The following GRM5 variants were observed in gnomAD, a reference collection of about 807,000 sequenced individuals.
GRM5 encodes metabotropic glutamate receptor 5.
Under a neutral mutation model 83.1 loss-of-function variants are expected in GRM5, and 19 were observed. The observed-to-expected ratio is 0.23, with a 90% CI of 0.16 to 0.34. The LOEUF (loss-of-function observed/expected upper bound fraction) is 0.34. Ranked by LOEUF, GRM5 falls within the 10% of genes least tolerant of loss-of-function variation. The pLI, the probability that GRM5 is intolerant of heterozygous loss-of-function variation, is 1.00. For synonymous variants in GRM5, 675 were observed against 633.6 expected (o/e 1.07, Z -0.98); for missense variants, 1,160 against 1,588.3 (o/e 0.73, Z 4.58).
In GRM5 at chr11:89,034,913, A is replaced by G. The variant is rs531370292; in HGVS notation, c.661+12299T>C. 3.3e-5 allele frequency among the ~76,000 whole-genome samples: 5 copies of G among 150,748 alleles called. No individual in the cohort carries two copies. In the East Asian group the frequency reaches 9.7e-4, roughly 29 times the overall value. Reference sequence around the variant, plus strand: ...GCTTTGCTGTTATCAATTTTATATAAATACAAAGTCGTATAATATTGCAAG... The same window carrying G: ...GCTTTGCTGTTATCAATTTTATATAGATACAAAGTCGTATAATATTGCAAG... On this transcript the variant is annotated intron_variant, in intron 2 of 9. Coordinates refer to ENST00000305447, the MANE Select transcript of GRM5 (RefSeq NM_001143831.3).
intron 3 of GRM5, among the ~76,000 whole-genome samples, chr11:88,726,450 G>A (rs1941683570): frequency 6.6e-6 from 1 of 152,182 alleles, no homozygotes; most frequent in Non-Finnish European, 1.5e-5. Flanking sequence ...ATGAAACCAA[G>A]TTGGAAAACA....
intron 3 of GRM5, among the ~76,000 whole-genome samples, chr11:88,821,131 G>T (rs1159924926): frequency 6.6e-6 from 1 of 151,996 alleles, no homozygotes; most frequent in Non-Finnish European, 1.5e-5. Context: ...GTGTTAAAAT[G>T]GCCATAGATA....
intron 2 of GRM5, among the ~76,000 whole-genome samples, chr11:88,928,473 T>G (rs1214556684): frequency 8.1e-5 from 1 of 12,304 alleles, no homozygotes; most frequent in Non-Finnish European, 3.3e-4. Context: ...TGTATATATA[T>G]ATATATATAT....
In GRM5 at chr11:88,508,980, G is replaced by A. The variant is rs370069106; in HGVS notation, c.3251C>T (p.Ala1084Val). ...ELNSMMLSTA[A>V]PSPGVGAPLC... is the part of the protein sequence containing the mutation. Reference sequence around the variant, plus strand: ...CGGGGCGCCGACGCCGGGGCTGGGGGCCGCGGTGGACAGCATCATGGAGTT... The same window carrying A: ...CGGGGCGCCGACGCCGGGGCTGGGGACCGCGGTGGACAGCATCATGGAGTT... The change falls in exon 10 of 10, where the codon GCC becomes GTC. Residue 1084 changes from alanine to valine, a missense_variant. Ala to Val is a moderately conservative substitution (Grantham distance 64). Coordinates refer to ENST00000305447, the MANE Select transcript of GRM5 (RefSeq NM_001143831.3). This position sits in a 1 kb window ranked among gnomAD's most constrained non-coding sequence, Gnocchi z 4.2. The A allele has an allele frequency of 6.3e-6, 10 of 1,583,480 alleles. No homozygotes were observed. The highest frequency in any genetic ancestry group is 6.9e-6 in the Non-Finnish European group (8 of 1,164,654).
intron 4 of GRM5, among the ~76,000 whole-genome samples, chr11:88,648,589 C>T (rs1185068835): frequency 1.4e-5 from 2 of 142,102 alleles, no homozygotes; most frequent in African/African-American, 2.6e-5. Flanking sequence ...ACCAGCATGG[C>T]ACATGTATAC....
At chr11:88,859,607 G>A (rs927904068) in intron 2 of GRM5, among the ~76,000 whole-genome samples, 7 of 152,076 alleles carry the variant, frequency 4.6e-5, no homozygotes, top group Admixed American at 2.6e-4. Context: ...CTAGTAAATA[G>A]AAGAGCTGAA....
intron 4 of GRM5, among the ~76,000 whole-genome samples, chr11:88,636,008 C>T (rs1452798276): frequency 6.6e-6 from 1 of 152,136 alleles, no homozygotes; most frequent in Admixed American, 6.5e-5. Context: ...TCTTCTATTA[C>T]AAAAATGTAA....
rs1038136767 is a variant in GRM5, at chr11:88,505,858, C to T, written c.*2734G>A. 1 of 152,094 alleles carries T rather than the reference C, an allele frequency of 6.6e-6. No homozygotes were observed. The highest frequency in any genetic ancestry group is 2.1e-4 in the South Asian group (1 of 4,824). The allele number at this position is 152,094 out of a possible 1,614,324, so 9.4% of individuals were successfully genotyped here. Reference sequence around the variant, plus strand: ...TGAAGGAAATTCAATGAGAATGTACCCAAATGAATTGTGAAGTTCATATCC... The same window carrying T: ...TGAAGGAAATTCAATGAGAATGTACTCAAATGAATTGTGAAGTTCATATCC... On this transcript the variant is annotated 3_prime_UTR_variant, in exon 10 of 10. Transcript: ENST00000305447.
Position 88,508,639 on chromosome 11 carries a change from C to A in GRM5, c.3592G>T (p.Asp1198Tyr). Residue 1198 changes from aspartate to tyrosine, a missense_variant, in exon 10 of 10, where the codon GAC becomes TAC. Transcript: ENST00000305447. This position sits in a 1 kb window ranked among gnomAD's most constrained non-coding sequence, Gnocchi z 4.2. ...ALCIPSSPKY[D>Y]TLIIRDYTQS... is the part of the protein sequence containing the mutation. The stretch of plus-strand genomic sequence containing the variant: ...GTGTAATCTCTTATGATAAGAGTGT[C>A]ATATTTGGGAGACGACGGGATACAG... 1 of 1,609,848 alleles carries A rather than the reference C, an allele frequency of 6.2e-7. No individual in the cohort carries two copies.
Position 88,567,553 on chromosome 11 carries a change from G to A in GRM5, c.2130C>T (p.Ala710=), listed in dbSNP as rs149111324. ...LICIQLGIIV[A]LFIMEPPDIM... ...TGTCAGGAGGCTCCATTATAAAGAG[G>A]GCAACGATGATGCCCAACTGGATGC... Residue 710 remains alanine, a synonymous_variant, in exon 8 of 10, where the codon GCC becomes GCT. Transcript: ENST00000305447. The surrounding 1 kb of genome is among the most constrained non-coding windows in gnomAD (Gnocchi z 7.3). 7 of 1,613,940 alleles carry A rather than the reference G, an allele frequency of 4.3e-6. No homozygotes were observed. In the African/African-American group the frequency reaches 6.7e-5, roughly 15 times the overall value.
chr11:88,892,453 A>G (rs1590943910), intron 2 of GRM5, among the ~76,000 whole-genome samples: 2 of 152,148 alleles, frequency 1.3e-5, no homozygotes, highest in East Asian at 3.9e-4. Flanking sequence ...CTTGGCTTGA[A>G]GAGGTATTAT....
chr11:88,907,982 G>A (rs962149774), intron 2 of GRM5, among the ~76,000 whole-genome samples: 10 of 152,032 alleles, frequency 6.6e-5, no homozygotes, highest in Non-Finnish European at 1.5e-4. Context: ...AATATTATCT[G>A]AGGAGACTAA....
At chr11:89,039,185 A>G (rs544697333) in intron 2 of GRM5, among the ~76,000 whole-genome samples, 1 of 152,020 alleles carries the variant, frequency 6.6e-6, no homozygotes, top group Admixed American at 6.6e-5. Flanking sequence ...GAGTTGCTTG[A>G]ACCTGGGAGG....
At chr11:88,760,091 A>T (rs1056352520) in intron 3 of GRM5, among the ~76,000 whole-genome samples, 1 of 152,298 alleles carries the variant, frequency 6.6e-6, no homozygotes. Flanking sequence ...AAGGAAATTT[A>T]TAGCACTAAA....
At chr11:88,932,357 T>C (rs1937740968) in intron 2 of GRM5, among the ~76,000 whole-genome samples, 1 of 151,960 alleles carries the variant, frequency 6.6e-6, no homozygotes, top group African/African-American at 2.4e-5. Context: ...CTAACAACAG[T>C]TTATTGGCTA....
At chr11:88,533,685 A>G (rs1942069296) in intron 8 of GRM5, among the ~76,000 whole-genome samples, 1 of 152,156 alleles carries the variant, frequency 6.6e-6, no homozygotes, top group East Asian at 1.9e-4. Context: ...ATGACTGACA[A>G]AAAGGAAAAT....
intron 3 of GRM5, among the ~76,000 whole-genome samples, chr11:88,798,600 A>G (rs1468270788): frequency 6.6e-6 from 1 of 152,072 alleles, no homozygotes. Flanking sequence ...TATTTTCCCC[A>G]GGTTTAACGA....
At chr11:88,576,082 C>G (rs1484490550) in intron 7 of GRM5, among the ~76,000 whole-genome samples, 1 of 152,118 alleles carries the variant, frequency 6.6e-6, no homozygotes, top group Non-Finnish European at 1.5e-5. Flanking sequence ...GACTTCCGGT[C>G]ATACTGCACA....
chr11:89,055,488 G>A (rs1941853197), intron 1 of GRM5, among the ~76,000 whole-genome samples: 1 of 152,022 alleles, frequency 6.6e-6, no homozygotes, highest in Non-Finnish European at 1.5e-5. Context: ...GGATGTTTAA[G>A]GAAAATAGCA....
Sources: allele counts gnomAD v4.1 joint callset (sites outside exome capture counted in the v4.1 genomes callset), GRCh38; gene constraint gnomAD v4.1.1; non-coding constraint Gnocchi (gnomAD v3.1); transcripts MANE v1.5; gene names NCBI Gene and HGNC (gene_info 2026-07-23, HGNC 2026-07-21).